ADCY8: variants seen among roughly 807,000 people sequenced by gnomAD.
ADCY8 encodes adenylate cyclase 8, also known as adenylate cyclase type 8.
A neutral mutation model predicts 119.7 loss-of-function variants in ADCY8; 51 were observed. The observed-to-expected ratio is 0.43, with a 90% CI of 0.34 to 0.54. ADCY8 has a LOEUF of 0.54. Among genes scored for constraint, ADCY8 ranks in the 20% least tolerant of loss-of-function variants. The pLI is 0.03. For synonymous variants in ADCY8, 665 were observed against 651.0 expected (o/e 1.02, Z -0.33); for missense variants, 1,383 against 1,598.8 (o/e 0.87, Z 2.30).
chr8:130,975,330 TATTCA>T (rs1461991777), intron 2 of ADCY8, among the ~76,000 whole-genome samples: 1 of 152,216 alleles, frequency 6.6e-6, no homozygotes, highest in African/African-American at 2.4e-5. Context: ...TCTGTTTGAC[TATTCA>T]ATTCAATTCC....
chr8:130,814,589 G>A (rs1381441806), intron 13 of ADCY8, among the ~76,000 whole-genome samples: 1 of 152,234 alleles, frequency 6.6e-6, no homozygotes, highest in Admixed American at 6.5e-5. Flanking sequence ...ATAAAGGAAA[G>A]ATGTTTAATG....
chr8:130,943,318 C>G, intron 4 of ADCY8, 33 bp downstream of exon 4: 1 of 1,502,242 alleles, frequency 6.7e-7, no homozygotes, highest in Non-Finnish European at 9.3e-7. Context: ...CTCACTCCTG[C>G]AAAAGACGAG....
At chr8:131,012,021 T>A (rs988312467) in intron 1 of ADCY8, among the ~76,000 whole-genome samples, 2 of 152,122 alleles carry the variant, frequency 1.3e-5, no homozygotes, top group Admixed American at 1.3e-4. Context: ...CCAATTACCA[T>A]CACTCCCAGG....
At chr8:130,825,162 A>G (rs1816634469) in intron 12 of ADCY8, among the ~76,000 whole-genome samples, 1 of 152,210 alleles carries the variant, frequency 6.6e-6, no homozygotes, top group South Asian at 2.1e-4. Context: ...TAGCATATTC[A>G]CTACCTCACA....
intron 2 of ADCY8, 143 bp downstream of exon 2, chr8:130,990,250 T>C (rs1473034769): frequency 1.8e-6 from 2 of 1,082,316 alleles, no homozygotes; most frequent in African/African-American, 1.6e-5. Context: ...CTAACACAAC[T>C]ATTTCAGACT....
intron 2 of ADCY8, among the ~76,000 whole-genome samples, chr8:130,980,671 A>G (rs1167513487): frequency 6.6e-6 from 1 of 152,214 alleles, no homozygotes; most frequent in Admixed American, 6.5e-5. Context: ...AGGAAAGATC[A>G]ATACTTGTTG....
rs534259239 is a variant in ADCY8 at position 131,039,868 on chromosome 8, T to A, written c.466A>T (p.Thr156Ser). 13 of 1,613,924 alleles carry A rather than the reference T, an allele frequency of 8.1e-6. No homozygotes were observed. The South Asian group carries it at 1.3e-4, about 16-fold the overall frequency. ...GYSYRGVIFP[T>S]LRNSFKSRDL... ...CGAGATTTGAAGGAGTTGCGCAGGGTGGGGAAAATGACCCCTCGGTAGCTA... is the reference window on the plus strand; with the variant it reads ...CGAGATTTGAAGGAGTTGCGCAGGGAGGGGAAAATGACCCCTCGGTAGCTA... Residue 156 changes from threonine to serine, a missense_variant, in exon 1 of 18, where the codon ACC becomes TCC. Coordinates refer to ENST00000286355, the MANE Select transcript of ADCY8 (RefSeq NM_001115.3).
At chr8:130,787,756 C>A (rs187321521) in intron 15 of ADCY8, among the ~76,000 whole-genome samples, 9 of 150,806 alleles carry the variant, frequency 6.0e-5, no homozygotes, top group Admixed American at 1.3e-4. Flanking sequence ...TGTTTTCATG[C>A]CTGTGTCCAC....
intron 2 of ADCY8, among the ~76,000 whole-genome samples, chr8:130,969,255 A>G (rs1390234470): frequency 6.6e-6 from 1 of 152,218 alleles, no homozygotes; most frequent in African/African-American, 2.4e-5. Context: ...TCCCAAGCAG[A>G]AAGGAATTCT....
chr8:130,893,437 A>G (rs1819261169), intron 7 of ADCY8, among the ~76,000 whole-genome samples: 1 of 152,156 alleles, frequency 6.6e-6, no homozygotes, highest in Non-Finnish European at 1.5e-5. Flanking sequence ...GTGAATTGAA[A>G]TATCTCCTAG....
chr8:130,942,170 C>T (rs960826172), intron 4 of ADCY8, among the ~76,000 whole-genome samples: 1 of 152,128 alleles, frequency 6.6e-6, no homozygotes, highest in Admixed American at 6.5e-5. Context: ...CATAAAATAC[C>T]TAGCATTTTG....
At position 131,039,540 on chromosome 8, in the gene ADCY8, C is replaced by A. The variant is rs905326364; in HGVS notation, c.794G>T (p.Gly265Val). Residue 265 changes from glycine to valine, a missense_variant, in exon 1 of 18, where the codon GGG becomes GTG. Physicochemically the swap from Gly to Val is moderately radical, Grantham distance 109 (BLOSUM62 -3). This residue lies in a region of ADCY8 where 455 missense variants were observed against 435.3 expected (regional missense o/e 1.05). Transcript: ENST00000286355. ...TQILAAGLGYGLLGDGIGYVL... is the reference protein window; with the variant it reads ...TQILAAGLGYVLLGDGIGYVL... ...GTAGCCTATGCCGTCGCCCAGGAGC[C>A]CGTAGCCGAGGCCTGCTGCCAGGAT... The A allele has an allele frequency of 6.2e-7, 1 of 1,613,714 alleles. No individual in the cohort carries two copies. Among genetic ancestry groups the A allele is most frequent in the African/African-American group, 1.3e-5 (1 of 74,926 alleles).
At chr8:130,990,192 G>A (rs1334142075) in intron 2 of ADCY8, among the ~76,000 whole-genome samples, 2 of 152,220 alleles carry the variant, frequency 1.3e-5, no homozygotes, top group Non-Finnish European at 2.9e-5. Context: ...TATGGGGAAC[G>A]ATGAATTGAG....
chr8:131,022,397 T>C (rs971591049), intron 1 of ADCY8, among the ~76,000 whole-genome samples: 9 of 152,200 alleles, frequency 5.9e-5, no homozygotes, highest in African/African-American at 2.2e-4. Flanking sequence ...CTTGTGTTAG[T>C]TTGCTGAGAA....
chr8:130,784,749 A>G (rs987095444), intron 16 of ADCY8, among the ~76,000 whole-genome samples: 1 of 152,238 alleles, frequency 6.6e-6, no homozygotes, highest in African/African-American at 2.4e-5. Flanking sequence ...TTCATCCCAG[A>G]TAGTCACTCT....
chr8:131,006,188 T>C (rs1329805), intron 1 of ADCY8, among the ~76,000 whole-genome samples: 3,701 of 152,302 alleles, frequency 0.024, 47 homozygotes, highest in East Asian at 0.057. Context: ...ACTGTTATCA[T>C]ACTGCTCTAT....
chr8:130,896,230 A>G (rs1227270173), intron 7 of ADCY8, among the ~76,000 whole-genome samples: 1 of 152,078 alleles, frequency 6.6e-6, no homozygotes, highest in Non-Finnish European at 1.5e-5. Context: ...CCATCAAACT[A>G]AGCTCCGGAG....
chr8:131,010,019 A>G (rs1000520993), intron 1 of ADCY8, among the ~76,000 whole-genome samples: 1 of 152,200 alleles, frequency 6.6e-6, no homozygotes, highest in African/African-American at 2.4e-5. Flanking sequence ...CCTCATCCCA[A>G]TCCTGCAAAG....
chr8:130,982,913 T>A (rs772372138), intron 2 of ADCY8, among the ~76,000 whole-genome samples: 7 of 152,222 alleles, frequency 4.6e-5, no homozygotes, highest in Non-Finnish European at 1.0e-4. Flanking sequence ...AACAGGCACG[T>A]TGCAGATGCT....
Sources: allele counts gnomAD v4.1 joint callset (sites outside exome capture counted in the v4.1 genomes callset), GRCh38; gene constraint gnomAD v4.1.1; regional missense constraint gnomAD v4.1.1; transcripts MANE v1.5; gene names NCBI Gene and HGNC (gene_info 2026-07-23, HGNC 2026-07-21).